The following SV2C variants were observed in gnomAD, a reference collection of about 807,000 sequenced individuals.
SV2C encodes the protein solute carrier family 22 member B3.
SV2C carries 49 observed loss-of-function variants against 79.7 expected under a neutral mutation model. The ratio of observed to expected loss-of-function variants is 0.61; its 90% CI spans 0.49 to 0.78. SV2C has a LOEUF of 0.78. SV2C is among the 30% of genes least tolerant of loss of function. SV2C has a pLI of 0.00. For synonymous variants in SV2C, 334 were observed against 333.2 expected (o/e 1.00, Z -0.03); for missense variants, 833 against 912.9 (o/e 0.91, Z 1.13).
At chr5:76,157,868 TTAAATGTAATAG>T (rs1475889385) in intron 2 of SV2C, among the ~76,000 whole-genome samples, 3 of 151,808 alleles carry the variant, frequency 2.0e-5, no homozygotes, top group Non-Finnish European at 4.4e-5. Context: ...TTATAACATT[TTAAATGTAATAG>T]TATAGTTACA....
intron 12 of SV2C, among the ~76,000 whole-genome samples, chr5:76,321,746 G>GA (rs5868820): frequency 0.022 from 2,965 of 132,554 alleles, 77 homozygotes; most frequent in East Asian, 0.099. Flanking sequence ...TATCATCTCT[G>GA]AAAAAAAAAA....
chr5:76,192,529 G>T (rs192401467), intron 2 of SV2C, among the ~76,000 whole-genome samples: 1 of 152,172 alleles, frequency 6.6e-6, no homozygotes, highest in Non-Finnish European at 1.5e-5. Flanking sequence ...AGGACTCCCC[G>T]TTATAACACT....
At chr5:75,932,306 C>T in the SV2C span, among the ~76,000 whole-genome samples, 6 of 152,194 alleles carry the variant, frequency 3.9e-5, no homozygotes, top group Non-Finnish European at 5.9e-5. Context: ...CACATGGGAT[C>T]GGCTGTGGCT....
intron 4 of SV2C, among the ~76,000 whole-genome samples, chr5:76,238,428 T>G (rs1369691218): frequency 3.3e-5 from 5 of 152,054 alleles, no homozygotes; most frequent in African/African-American, 9.7e-5. Flanking sequence ...GGGATGGGAG[T>G]GATCCGCGTT....
intron 12 of SV2C, among the ~76,000 whole-genome samples, chr5:76,341,248 A>T (rs1407587615): frequency 6.6e-6 from 1 of 152,162 alleles, no homozygotes; most frequent in East Asian, 1.9e-4. Context: ...TTTAAAAATT[A>T]TATGACCAGC....
the SV2C span, among the ~76,000 whole-genome samples, chr5:75,991,643 T>G: frequency 6.7e-6 from 1 of 149,252 alleles, no homozygotes; most frequent in Admixed American, 6.7e-5. Flanking sequence ...TATATATAGA[T>G]ATATATTTGC....
chr5:76,325,273 A>G, intron 12 of SV2C, 91 bp from the exon 13 acceptor site: 1 of 1,317,216 alleles, frequency 7.6e-7, no homozygotes, highest in Non-Finnish European at 1.1e-6. Flanking sequence ...AATCTGAGGG[A>G]AGATCATTGA....
the SV2C span, among the ~76,000 whole-genome samples, chr5:76,030,429 G>GA: frequency 6.6e-6 from 1 of 151,856 alleles, no homozygotes; most frequent in Non-Finnish European, 1.5e-5. Flanking sequence ...ACTGGTCACA[G>GA]AATATTCTAA....
the SV2C span, among the ~76,000 whole-genome samples, chr5:75,943,727 A>G: frequency 6.6e-6 from 1 of 152,160 alleles, no homozygotes; most frequent in Non-Finnish European, 1.5e-5. Context: ...TGAGGTCTAG[A>G]CAGTCTTTTC....
rs185342395 is a variant in SV2C, at chr5:76,204,053, G to A, written c.762-5683G>A. 2.6e-5 allele frequency among the ~76,000 whole-genome samples: 4 copies of A among 152,250 alleles called. No homozygotes were observed. In the East Asian group the frequency reaches 7.7e-4, roughly 29 times the overall value. ...CCTATTCAGAAAGAGTGTTAGGTGTGTGCTCTTTCATCTAAGCCTCTGAGC... is the reference window on the plus strand; with the variant it reads ...CCTATTCAGAAAGAGTGTTAGGTGTATGCTCTTTCATCTAAGCCTCTGAGC... On this transcript the variant is annotated intron_variant, in intron 3 of 12. Transcript: ENST00000502798.
chr5:75,981,701 A>G, the SV2C span, among the ~76,000 whole-genome samples: 1 of 152,100 alleles, frequency 6.6e-6, no homozygotes, highest in African/African-American at 2.4e-5. Context: ...CCCTTACACC[A>G]TTTACAAAAA....
the SV2C span, among the ~76,000 whole-genome samples, chr5:75,968,223 G>GA: frequency 6.6e-6 from 1 of 152,020 alleles, no homozygotes; most frequent in African/African-American, 2.4e-5. Flanking sequence ...ACAAAGATGG[G>GA]AAAAAAACAG....
At chr5:76,059,367 G>A in the SV2C span, among the ~76,000 whole-genome samples, 1 of 152,080 alleles carries the variant, frequency 6.6e-6, no homozygotes, top group Non-Finnish European at 1.5e-5. Context: ...TCAAAACTGA[G>A]GCAAATTCTC....
chr5:76,319,255 A>G (rs1367168722), intron 12 of SV2C, among the ~76,000 whole-genome samples: 2 of 151,906 alleles, frequency 1.3e-5, no homozygotes, highest in Admixed American at 1.3e-4. Flanking sequence ...CTACAAAAAA[A>G]AAAAACACAA....
At chr5:76,121,343 C>G (rs931584718) in intron 1 of SV2C, among the ~76,000 whole-genome samples, 7 of 151,970 alleles carry the variant, frequency 4.6e-5, no homozygotes, top group African/African-American at 1.2e-4. Flanking sequence ...ATGGTAGTTT[C>G]TTTTCCTGTG....
At chr5:76,118,513 T>G (rs1050842920) in intron 1 of SV2C, among the ~76,000 whole-genome samples, 1 of 152,194 alleles carries the variant, frequency 6.6e-6, no homozygotes, top group African/African-American at 2.4e-5. Flanking sequence ...CATGTTCAAC[T>G]TCACCAATAA....
intron 6 of SV2C, among the ~76,000 whole-genome samples, chr5:76,287,595 C>A (rs1002713345): frequency 1.3e-5 from 2 of 152,122 alleles, no homozygotes; most frequent in Non-Finnish European, 2.9e-5. Context: ...TCCCTCAGCT[C>A]CTCACACTCA....
chr5:76,308,296 T>G (rs1217046861), intron 12 of SV2C, among the ~76,000 whole-genome samples: 1 of 151,952 alleles, frequency 6.6e-6, no homozygotes, highest in African/African-American at 2.4e-5. Context: ...CTGCTGGGAG[T>G]CCACACTCCC....
chr5:76,309,508 G>A (rs1298539424), intron 12 of SV2C, among the ~76,000 whole-genome samples: 1 of 147,234 alleles, frequency 6.8e-6, no homozygotes, highest in Non-Finnish European at 1.5e-5. Flanking sequence ...GCTGAGGCAG[G>A]AGAATGGCGT....
Sources: allele counts gnomAD v4.1 joint callset (sites outside exome capture counted in the v4.1 genomes callset), GRCh38; gene constraint gnomAD v4.1.1; transcripts MANE v1.5; gene names NCBI Gene and HGNC (gene_info 2026-07-23, HGNC 2026-07-21).